MACF1: variants seen among roughly 807,000 people sequenced by gnomAD.
MACF1 encodes microtubule actin crosslinking factor 1, also known as microtubule-actin cross-linking factor 1.
In MACF1, 193 loss-of-function variants were observed where a neutral mutation model predicts 854.8. The ratio of observed to expected loss-of-function variants is 0.23; its 90% CI spans 0.20 to 0.25. The LOEUF (loss-of-function observed/expected upper bound fraction) is 0.25. Among genes scored for constraint, MACF1 ranks in the 10% least tolerant of loss-of-function variants. The probability of loss-of-function intolerance (pLI) is 1.00; values close to 1 mark genes in which losing one functional copy is unlikely to be tolerated. For synonymous variants in MACF1, 3,185 were observed against 3,226.7 expected, an observed-to-expected ratio of 0.99 and a Z score of 0.44; for missense variants, 7,722 against 8,929.1, an observed-to-expected ratio of 0.86 and a Z score of 5.45.
At chr1:39,190,391 GTT>G (rs1557508061) in intron 2 of MACF1, among the ~76,000 whole-genome samples, 2 of 41,736 alleles carry the variant, frequency 4.8e-5, no homozygotes, top group South Asian at 1.3e-3. Flanking sequence ...GTGTGTGTGT[GTT>G]TGTTTTTGTT....
intron 27 of MACF1, 96 bp downstream of exon 27, chr1:39,315,787 T>G (rs1424716097): frequency 1.6e-6 from 2 of 1,238,510 alleles, no homozygotes; most frequent in Non-Finnish European, 2.2e-6. Context: ...ACAGAGAGAT[T>G]ATAGATCCTG....
intron 4 of MACF1, chr1:39,254,019 T>C: frequency 2.7e-6 from 1 of 369,642 alleles, no homozygotes; most frequent in Non-Finnish European, 5.0e-6. Context: ...CAGATGAACC[T>C]GAACAGAAGC....
intron 99 of MACF1, among the ~76,000 whole-genome samples, chr1:39,483,526 C>G (rs1645053646): frequency 1.3e-5 from 2 of 152,184 alleles, no homozygotes; most frequent in African/African-American, 2.4e-5. Context: ...TGGACCCTCA[C>G]TGGGCCATTG....
rs1313537402 is a variant in MACF1, at chr1:39,447,444, G to A, written c.19618G>A (p.Glu6540Lys). 1.2e-6 allele frequency: 2 copies of A among 1,614,042 alleles called. No individual in the cohort carries two copies. Among genetic ancestry groups the A allele is most frequent in the African/African-American group, 1.3e-5 (1 of 75,018 alleles). ...KMEERKSKLE[E>K]ALNLATEFQN... ...ACTTGAAATTCAGTCAAAGCTGGAA[G>A]AGGCCCTCAACTTGGCAACAGAATT... is the stretch of plus-strand genomic sequence containing the variant. Residue 6540 changes from glutamate (E) to lysine (K), a missense_variant, in exon 81 of 101, where the codon GAG becomes AAG. By Grantham distance (56) the Glu-to-Lys change is moderately conservative. This residue lies in a region of MACF1 where 729 missense variants were observed against 900.5 expected (regional missense o/e 0.81). Coordinates refer to ENST00000564288, the MANE Select transcript of MACF1 (RefSeq NM_001394062.1).
intron 2 of MACF1, among the ~76,000 whole-genome samples, chr1:39,128,648 G>A (rs942161479): frequency 7.9e-5 from 12 of 151,824 alleles, no homozygotes; most frequent in South Asian, 4.2e-4. Flanking sequence ...GCAGTGAGCC[G>A]AGATCACGCC....
intron 88 of MACF1, 122 bp from the exon 89 acceptor site, chr1:39,454,787 G>A (rs959996176): frequency 2.3e-5 from 19 of 842,288 alleles, no homozygotes; most frequent in Middle Eastern, 3.6e-4. Context: ...GTGACAGAGC[G>A]AGAGTCTGTC....
chr1:39,311,070 G>A (rs1318070442), intron 26 of MACF1, 70 bp downstream of exon 26: 2 of 1,513,690 alleles, frequency 1.3e-6, no homozygotes, highest in Non-Finnish European at 1.8e-6. Flanking sequence ...GATGGCAAGA[G>A]TATGGCACCT....
intron 2 of MACF1, among the ~76,000 whole-genome samples, chr1:39,165,112 G>A (rs1191649331): frequency 6.6e-6 from 1 of 152,098 alleles, no homozygotes; most frequent in African/African-American, 2.4e-5. Context: ...GTGTGTAGGG[G>A]GCCAATAAGA....
At chr1:39,385,408 A>C (rs1650616280) in intron 56 of MACF1, 26 bp from the exon 57 acceptor site, 2 of 1,607,862 alleles carry the variant, frequency 1.2e-6, no homozygotes, top group African/African-American at 2.7e-5. Context: ...TCCTGTCTAA[A>C]CATCTTGGTG....
intron 2 of MACF1, among the ~76,000 whole-genome samples, chr1:39,163,337 T>A: frequency 1.9e-5 from 1 of 51,418 alleles, no homozygotes; most frequent in African/African-American, 5.8e-5. Flanking sequence ...AGCAAGACTG[T>A]CTCAAAAAAA....
Position 39,283,953 on chromosome 1 carries a change from A to T in MACF1, c.916-113A>T. On this transcript the variant is annotated intron_variant, in intron 9 of 100. Coordinates refer to ENST00000564288, the MANE Select transcript of MACF1 (RefSeq NM_001394062.1). This position sits in a 1 kb window ranked among gnomAD's most constrained non-coding sequence, Gnocchi z 4.5. Reference sequence around the variant, plus strand: ...GTGAGCATTAAACTGAGCAGCATCTAGGCAATTAAAGGAAATGGATTTTAT... The same window carrying T: ...GTGAGCATTAAACTGAGCAGCATCTTGGCAATTAAAGGAAATGGATTTTAT... 8.6e-7 allele frequency: 1 copy of T among 1,164,882 alleles called. No individual in the cohort carries two copies. Among genetic ancestry groups the T allele is most frequent in the Non-Finnish European group, 1.2e-6 (1 of 808,996 alleles). The allele number at this position is 1,164,882 out of a possible 1,614,324, so 72.2% of individuals were successfully genotyped here.
intron 58 of MACF1, among the ~76,000 whole-genome samples, chr1:39,415,968 G>C (rs1643289955): frequency 6.6e-6 from 1 of 152,158 alleles, no homozygotes; most frequent in Non-Finnish European, 1.5e-5. Flanking sequence ...CAATTTCCTA[G>C]ACTATGGATG....
intron 84 of MACF1, among the ~76,000 whole-genome samples, chr1:39,449,467 C>T (rs991366822): frequency 1.3e-4 from 20 of 151,282 alleles, no homozygotes; most frequent in Admixed American, 3.3e-4. Flanking sequence ...GGCGCGATCT[C>T]GGCTCACTGC....
At chr1:39,304,435 C>T in intron 23 of MACF1, 2 of 1,364,398 alleles carry the variant, frequency 1.5e-6, no homozygotes, top group Non-Finnish European at 1.0e-6. Flanking sequence ...CCTCTCCACC[C>T]TTTCCTTTAG....
chr1:39,344,431 C>CAAA (rs113140732), intron 40 of MACF1, among the ~76,000 whole-genome samples: 107 of 77,996 alleles, frequency 1.4e-3, no homozygotes, highest in Non-Finnish European at 2.5e-3. Context: ...GACTCTGTCT[C>CAAA]AAAAAAAAAA....
chr1:39,293,379 T>C (rs147882091), intron 17 of MACF1, 79 bp from the exon 18 acceptor site: 2 of 1,234,342 alleles, frequency 1.6e-6, no homozygotes, highest in African/African-American at 3.1e-5. Flanking sequence ...TGAGTTATTC[T>C]CTCCTTTGAT....
At chr1:39,169,894 C>T (rs1362049050) in intron 2 of MACF1, among the ~76,000 whole-genome samples, 4 of 151,522 alleles carry the variant, frequency 2.6e-5, no homozygotes, top group African/African-American at 9.7e-5. Flanking sequence ...CTGCCTCAGC[C>T]TCCCGAGTAG....
chr1:39,140,914 CAAAAAAAAAAAAAAAAA>C (rs34687844), intron 2 of MACF1, among the ~76,000 whole-genome samples: 2 of 48,270 alleles, frequency 4.1e-5, no homozygotes, highest in East Asian at 8.3e-4. Context: ...GACTCTGTCT[CAAAAAAAAAAAAAAAAA>C]AAAAAAAAAA....
chr1:39,433,502 A>G (rs866232951), intron 68 of MACF1, among the ~76,000 whole-genome samples: 8 of 152,216 alleles, frequency 5.3e-5, no homozygotes, highest in African/African-American at 9.6e-5. Context: ...TTCCTTCATT[A>G]TATCCTTCTA....
Sources: gnomAD v4.1 joint callset for allele counts (sites outside exome capture counted in the v4.1 genomes callset) on GRCh38, gnomAD v4.1.1 for gene constraint, gnomAD v4.1.1 regional missense constraint, Gnocchi (gnomAD v3.1) non-coding constraint, MANE v1.5 for transcripts, NCBI Gene and HGNC (gene_info 2026-07-23, HGNC 2026-07-21) for gene names.